VPS13B: variants seen among roughly 807,000 people sequenced by gnomAD.
The protein encoded by VPS13B is vacuolar protein sorting 13 homolog B, also known as intermembrane lipid transfer protein VPS13B.
A neutral mutation model predicts 426.4 loss-of-function variants in VPS13B; 285 were observed. The ratio of observed to expected loss-of-function variants is 0.67; its 90% CI spans 0.61 to 0.74. VPS13B has a LOEUF of 0.74. Ranked by LOEUF, VPS13B falls within the 30% of genes least tolerant of loss-of-function variation. VPS13B has a pLI of 0.00. For synonymous variants in VPS13B, 1,676 were observed against 1,676.4 expected (o/e 1.00, Z 0.01); for missense variants, 4,537 against 4,782.6 (o/e 0.95, Z 1.51).
At position 99,642,342 on chromosome 8, in the gene VPS13B, C is replaced by T. The variant is rs386834099; in HGVS notation, c.5752C>T (p.Arg1918Ter). Residue 1918 changes from arginine to a stop codon, truncating the protein, a stop_gained, in exon 34 of 62, where the codon CGA (arginine) becomes TGA (stop). Transcript: ENST00000357162. LOFTEE classifies it high-confidence loss of function. ...LGITIVRQPG[R>*]RGTGDLQLEP... ...TATAACTATTGTTCGGCAGCCTGGT[C>T]GAAGAGGAACTGGTGACTTACAGCT... is the stretch of plus-strand genomic sequence containing the variant. 3 of 1,614,076 alleles carry T rather than the reference C, an allele frequency of 1.9e-6. No homozygotes were observed. The highest frequency in any genetic ancestry group is 8.5e-7 in the Non-Finnish European group (1 of 1,180,000).
intron 17 of VPS13B, among the ~76,000 whole-genome samples, chr8:99,259,370 G>C (rs946623110): frequency 2.0e-5 from 3 of 152,070 alleles, no homozygotes; most frequent in African/African-American, 7.2e-5. Flanking sequence ...ATGAAAATTA[G>C]TGTTGGAAGT....
intron 19 of VPS13B, among the ~76,000 whole-genome samples, chr8:99,355,356 G>A (rs1193263954): frequency 6.6e-6 from 1 of 152,164 alleles, no homozygotes; most frequent in Non-Finnish European, 1.5e-5. Flanking sequence ...ACTTTGGGAG[G>A]CCGAGGCGGG....
intron 19 of VPS13B, among the ~76,000 whole-genome samples, chr8:99,294,618 T>C (rs1389121600): frequency 1.3e-5 from 2 of 151,918 alleles, no homozygotes; most frequent in Non-Finnish European, 2.9e-5. Context: ...ACAAGATCCC[T>C]GTTATATGAA....
intron 30 of VPS13B, among the ~76,000 whole-genome samples, chr8:99,522,863 C>T (rs184695860): frequency 3.9e-4 from 60 of 152,156 alleles, no homozygotes; most frequent in African/African-American, 1.3e-3. Context: ...GCTGTATCAT[C>T]GATATCAAAG....
chr8:99,041,998 A>T (rs1272762840), intron 3 of VPS13B, among the ~76,000 whole-genome samples: 1 of 151,960 alleles, frequency 6.6e-6, no homozygotes, highest in Non-Finnish European at 1.5e-5. Flanking sequence ...TGTTTATAGA[A>T]GTAATACTTA....
chr8:99,468,264 G>C (rs1470888851), intron 24 of VPS13B, among the ~76,000 whole-genome samples: 1 of 151,906 alleles, frequency 6.6e-6, no homozygotes, highest in Non-Finnish European at 1.5e-5. Context: ...TTCTGTCCTT[G>C]CAATAATTTG....
At chr8:99,479,986 A>T (rs1819951271) in intron 24 of VPS13B, among the ~76,000 whole-genome samples, 1 of 152,162 alleles carries the variant, frequency 6.6e-6, no homozygotes, top group Non-Finnish European at 1.5e-5. Context: ...CGTATTCTAA[A>T]TTTTACATTC....
intron 19 of VPS13B, among the ~76,000 whole-genome samples, chr8:99,352,704 A>G (rs745961210): frequency 5.9e-5 from 9 of 151,698 alleles, no homozygotes; most frequent in Non-Finnish European, 1.2e-4. Context: ...GGCGCCTCTA[A>G]TCCTAGATAT....
At chr8:99,375,590 C>T (rs146907761) in intron 19 of VPS13B, among the ~76,000 whole-genome samples, 1 of 152,312 alleles carries the variant, frequency 6.6e-6, no homozygotes, top group African/African-American at 2.4e-5. Context: ...GGCAGCTCAT[C>T]ACTGCTCTTG....
At chr8:99,115,513 G>C (rs904612946) in intron 6 of VPS13B, among the ~76,000 whole-genome samples, 187 bp from the exon 7 acceptor site, 1 of 152,006 alleles carries the variant, frequency 6.6e-6, no homozygotes, top group Non-Finnish European at 1.5e-5. Context: ...AACGTGTATT[G>C]ATCATCATAG....
At chr8:99,192,503 C>T (rs917611038) in intron 16 of VPS13B, among the ~76,000 whole-genome samples, 50 of 152,218 alleles carry the variant, frequency 3.3e-4, no homozygotes, top group African/African-American at 8.7e-4. Flanking sequence ...AAGGATTCAA[C>T]GTGTTAACAG....
At chr8:99,422,966 C>T (rs974834301) in intron 21 of VPS13B, among the ~76,000 whole-genome samples, 1 of 152,094 alleles carries the variant, frequency 6.6e-6, no homozygotes, top group Admixed American at 6.6e-5. Flanking sequence ...CGTAAGATAC[C>T]AAAAATATGC....
intron 30 of VPS13B, among the ~76,000 whole-genome samples, chr8:99,541,544 T>C (rs1823621701): frequency 1.3e-5 from 2 of 152,244 alleles, no homozygotes; most frequent in East Asian, 1.9e-4. Flanking sequence ...TTCCCCTCCC[T>C]GTGTCCATGT....
At chr8:99,067,941 C>T (rs1206608689) in intron 3 of VPS13B, among the ~76,000 whole-genome samples, 1 of 152,156 alleles carries the variant, frequency 6.6e-6, no homozygotes, top group Non-Finnish European at 1.5e-5. Context: ...CCCATGCTCC[C>T]ATTGTTTTCC....
intron 31 of VPS13B, among the ~76,000 whole-genome samples, chr8:99,563,356 T>C (rs1215719495): frequency 1.3e-5 from 2 of 152,204 alleles, no homozygotes; most frequent in Non-Finnish European, 2.9e-5. Flanking sequence ...TGAAGAATGC[T>C]ATGATAGACA....
chr8:99,034,798 T>C (rs1054721905), intron 2 of VPS13B, among the ~76,000 whole-genome samples: 1 of 152,178 alleles, frequency 6.6e-6, no homozygotes, highest in African/African-American at 2.4e-5. Context: ...TCATTGCTTT[T>C]TGGGGAGAGG....
intron 17 of VPS13B, among the ~76,000 whole-genome samples, chr8:99,268,470 C>T (rs763197474): frequency 6.6e-6 from 1 of 152,214 alleles, no homozygotes; most frequent in Non-Finnish European, 1.5e-5. Flanking sequence ...CCATCTCTTG[C>T]AACAGTGTGA....
At chr8:99,807,874 A>T (rs554973434) in intron 43 of VPS13B, among the ~76,000 whole-genome samples, 41 of 123,786 alleles carry the variant, frequency 3.3e-4, no homozygotes, top group Middle Eastern at 4.1e-3. Flanking sequence ...ATTCAGATTT[A>T]AAAAAAAAAA....
At chr8:99,573,621 A>C (rs969326518) in intron 31 of VPS13B, among the ~76,000 whole-genome samples, 1 of 152,042 alleles carries the variant, frequency 6.6e-6, no homozygotes, top group Non-Finnish European at 1.5e-5. Context: ...GATACACTGC[A>C]TTATTTCTGA....
Sources: allele counts gnomAD v4.1 joint callset (sites outside exome capture counted in the v4.1 genomes callset), GRCh38; gene constraint gnomAD v4.1.1; transcripts MANE v1.5; gene names NCBI Gene and HGNC (gene_info 2026-07-23, HGNC 2026-07-21).